RYR3: variants seen among roughly 807,000 people sequenced by gnomAD.
The protein encoded by RYR3 is brain ryanodine receptor-calcium release channel.
In RYR3, 207 loss-of-function variants were observed where a neutral mutation model predicts 584.3. The ratio of observed to expected loss-of-function variants is 0.35; its 90% CI spans 0.32 to 0.40. The LOEUF is 0.40. Ranked by LOEUF, RYR3 falls within the 10% of genes least tolerant of loss-of-function variation. The pLI is 1.00. For missense variants in RYR3, 5,616 were observed against 6,089.2 expected, an observed-to-expected ratio of 0.92 and a Z score of 2.59; for synonymous variants, 2,416 against 2,248.5, an observed-to-expected ratio of 1.07 and a Z score of -2.11.
At chr15:33,813,174 A>T (rs557243258) in intron 73 of RYR3, among the ~76,000 whole-genome samples, 180 bp downstream of exon 73, 1 of 152,188 alleles carries the variant, frequency 6.6e-6, no homozygotes, top group African/African-American at 2.4e-5. Flanking sequence ...AGACCTCTCC[A>T]TTATTTCCCC....
intron 65 of RYR3, among the ~76,000 whole-genome samples, chr15:33,783,967 A>G (rs924193964): frequency 3.9e-5 from 6 of 152,210 alleles, no homozygotes; most frequent in Admixed American, 2.0e-4. Context: ...TGGGTTTTAA[A>G]AGATATTGGT....
intron 5 of RYR3, among the ~76,000 whole-genome samples, chr15:33,534,487 C>T (rs1348494806): frequency 6.6e-6 from 1 of 152,120 alleles, no homozygotes; most frequent in Non-Finnish European, 1.5e-5. Context: ...TGATATACAT[C>T]ATATACTTTG....
At chr15:33,799,511 G>A (rs1213417325) in intron 67 of RYR3, among the ~76,000 whole-genome samples, 1 of 152,232 alleles carries the variant, frequency 6.6e-6, no homozygotes, top group Non-Finnish European at 1.5e-5. Context: ...TGGGAAGGTG[G>A]TGTGCCTGGA....
At chr15:33,523,087 C>T (rs1002760908) in intron 3 of RYR3, among the ~76,000 whole-genome samples, 1 of 151,996 alleles carries the variant, frequency 6.6e-6, no homozygotes, top group African/African-American at 2.4e-5. Flanking sequence ...TTATGTCTGC[C>T]TAAAGGATTG....
At chr15:33,810,393 AAGGAGGCAGGCTGCCTCTGAC>A in intron 70 of RYR3, 65 bp from the exon 71 acceptor site, 1 of 1,402,142 alleles carries the variant, frequency 7.1e-7, no homozygotes, top group Non-Finnish European at 9.9e-7. Flanking sequence ...ACAGGGCCAC[AAGGAGGCAGGCTGCCTCTGAC>A]AGGAGGCCGT....
At chr15:33,457,364 T>C (rs911309254) in intron 1 of RYR3, among the ~76,000 whole-genome samples, 7 of 152,142 alleles carry the variant, frequency 4.6e-5, no homozygotes, top group African/African-American at 9.7e-5. Context: ...AGTGGATGAA[T>C]AGATGAAGAT....
chr15:33,755,495 G>A (rs369102613), intron 58 of RYR3, among the ~76,000 whole-genome samples: 210 of 152,210 alleles, frequency 1.4e-3, no homozygotes, highest in Non-Finnish European at 1.8e-3. Context: ...GGTGGTGCAC[G>A]CCTGTAGTCC....
At chr15:33,517,553 C>T (rs2053623854) in intron 3 of RYR3, among the ~76,000 whole-genome samples, 1 of 152,222 alleles carries the variant, frequency 6.6e-6, no homozygotes, top group African/African-American at 2.4e-5. Context: ...GTCGTTTTCT[C>T]TTGGATACTG....
chr15:33,680,616 T>C (rs928210607), intron 38 of RYR3, among the ~76,000 whole-genome samples: 1 of 152,226 alleles, frequency 6.6e-6, no homozygotes, highest in Non-Finnish European at 1.5e-5. Flanking sequence ...CACAGGCCAA[T>C]TCGTGTACCA....
At chr15:33,782,038 G>A (rs1013224960) in intron 65 of RYR3, among the ~76,000 whole-genome samples, 2 of 152,172 alleles carry the variant, frequency 1.3e-5, no homozygotes, top group African/African-American at 4.8e-5. Flanking sequence ...AAGGGACATG[G>A]GGCCCAGTCA....
At chr15:33,766,811 A>G (rs2152879382) in intron 60 of RYR3, among the ~76,000 whole-genome samples, 1 of 151,926 alleles carries the variant, frequency 6.6e-6, no homozygotes, top group South Asian at 2.1e-4. Flanking sequence ...TGGGTCTCAG[A>G]CTCTCCCTGA....
intron 8 of RYR3, among the ~76,000 whole-genome samples, chr15:33,546,716 A>C (rs542294916): frequency 1.2e-4 from 18 of 152,122 alleles, no homozygotes; most frequent in African/African-American, 4.3e-4. Context: ...GGCTTGCCCG[A>C]GATCACACAG....
chr15:33,560,762 T>C (rs1025316026), intron 10 of RYR3, among the ~76,000 whole-genome samples: 1 of 152,230 alleles, frequency 6.6e-6, no homozygotes, highest in Non-Finnish European at 1.5e-5. Flanking sequence ...AATGCATTCT[T>C]GATGAATTGC....
At position 33,498,790 on chromosome 15, in the gene RYR3, C is replaced by T. The variant is rs184469966; in HGVS notation, c.172-4841C>T. On this transcript the variant is annotated intron_variant, in intron 2 of 103. Coordinates refer to ENST00000634891, the MANE Select transcript of RYR3 (RefSeq NM_001036.6). Reference sequence around the variant, plus strand: ...TGAATCATTTTTAGATGTCTTCTTCCAACAGTTTTATAATTTCCAGTCTTG... The same window carrying T: ...TGAATCATTTTTAGATGTCTTCTTCTAACAGTTTTATAATTTCCAGTCTTG... Among the ~76,000 whole-genome samples the T allele has an allele frequency of 8.0e-3, 1,214 of 152,070 alleles. 29 individuals carry two copies. Among genetic ancestry groups the T allele is most frequent in the Admixed American group, 0.046 (700 of 15,268 alleles).
chr15:33,765,582 G>A (rs527835229), intron 60 of RYR3, among the ~76,000 whole-genome samples: 3 of 140,258 alleles, frequency 2.1e-5, no homozygotes, highest in East Asian at 2.3e-4. Context: ...GCAGTGAGCC[G>A]AGATGGCACC....
At chr15:33,626,342 G>T (rs2060983868) in intron 20 of RYR3, among the ~76,000 whole-genome samples, 1 of 152,172 alleles carries the variant, frequency 6.6e-6, no homozygotes, top group Admixed American at 6.5e-5. Context: ...CAAAGAGACT[G>T]GCGGCATTTT....
intron 86 of RYR3, among the ~76,000 whole-genome samples, chr15:33,832,749 C>T (rs557446468): frequency 6.6e-6 from 1 of 151,532 alleles, no homozygotes; most frequent in East Asian, 1.9e-4. Context: ...CTCACTGGGG[C>T]CTGTAATCCC....
intron 12 of RYR3, among the ~76,000 whole-genome samples, chr15:33,573,271 G>C (rs962565752): frequency 3.9e-5 from 6 of 152,128 alleles, no homozygotes; most frequent in African/African-American, 1.4e-4. Flanking sequence ...TTTTGTGATA[G>C]CTAGGAAGTG....
chr15:33,808,510 G>A lies in RYR3; in HGVS notation c.10026+941G>A, dbSNP rs554828682. Among the ~76,000 whole-genome samples, 5 of 152,256 alleles carry A rather than the reference G, an allele frequency of 3.3e-5. No individual in the cohort carries two copies. The East Asian group carries it at 9.6e-4, about 29-fold the overall frequency. ...CACTTTTGAGCATATTTATTCGATT[G>A]CATACTGTGTATTACCATTTATATT... On this transcript the variant is annotated intron_variant, in intron 70 of 103. Transcript: ENST00000634891.
Sources: allele counts gnomAD v4.1 joint callset (sites outside exome capture counted in the v4.1 genomes callset), GRCh38; gene constraint gnomAD v4.1.1; transcripts MANE v1.5; gene names NCBI Gene and HGNC (gene_info 2026-07-23, HGNC 2026-07-21).